The following IGSF22 variants were observed in gnomAD, a reference collection of about 807,000 sequenced individuals.
IGSF22 encodes the protein immunoglobulin superfamily, member 22.
A neutral mutation model predicts 127.0 loss-of-function variants in IGSF22; 119 were observed. The observed-to-expected ratio is 0.94, with a 90% confidence interval of 0.81 to 1.09. IGSF22 has a LOEUF of 1.09. Ranked by LOEUF, IGSF22 falls within the 50% of genes least tolerant of loss-of-function variation. The pLI, the probability that IGSF22 is intolerant of heterozygous loss-of-function variation, is 0.00. For missense variants in IGSF22, 1,518 were observed against 1,716.6 expected (o/e 0.88, Z 2.04); for synonymous variants, 568 against 664.7 (o/e 0.85, Z 2.24).
chr11:18,709,364 C>A lies in IGSF22; in HGVS notation c.2998+23G>T. 1 of 1,607,470 alleles carries A rather than the reference C, an allele frequency of 6.2e-7. No individual in the cohort carries two copies. Among genetic ancestry groups the A allele is most frequent in the Non-Finnish European group, 8.5e-7 (1 of 1,175,984 alleles). ...GGAGGTACAATGTTGGGCATGAATC[C>A]CCAGCCCTCTCTGTGTCCTCACCTG... On this transcript the variant is annotated intron_variant, in intron 18 of 22. Coordinates refer to ENST00000513874, the MANE Select transcript of IGSF22 (RefSeq NM_173588.4). This position sits in a 1 kb window ranked among gnomAD's most constrained non-coding sequence, Gnocchi z 4.8.
chr11:18,721,156 C>T (rs952205188), intron 4 of IGSF22, among the ~76,000 whole-genome samples: 2 of 152,218 alleles, frequency 1.3e-5, no homozygotes, highest in Admixed American at 6.5e-5. Flanking sequence ...GCGAGTCCCT[C>T]CGGCACCTCG....
chr11:18,717,361 CA>C (rs1195405471), intron 9 of IGSF22, among the ~76,000 whole-genome samples: 6 of 152,174 alleles, frequency 3.9e-5, no homozygotes, highest in African/African-American at 1.4e-4. Flanking sequence ...ACCTAAATCA[CA>C]AAGCTCATAA....
Position 18,709,467 on chromosome 11 carries a change from A to G in IGSF22, c.2918T>C (p.Phe973Ser), listed in dbSNP as rs1266391562. ...AGCCTCATTCACAGCCCGGATTCGGAAGAAGTATTTCTGCCTCTCGATGAG... is the reference window on the plus strand; with the variant it reads ...AGCCTCATTCACAGCCCGGATTCGGGAGAAGTATTTCTGCCTCTCGATGAG... ...GGLIERQKYF[F>S]RIRAVNEAGV... The change falls in exon 18 of 23, where the codon TTC becomes TCC. Residue 973 changes from phenylalanine to serine, a missense_variant. By Grantham distance (155) the Phe-to-Ser change is radical (BLOSUM62 -2). Coordinates refer to ENST00000513874, the MANE Select transcript of IGSF22 (RefSeq NM_173588.4). This position sits in a 1 kb window ranked among gnomAD's most constrained non-coding sequence, Gnocchi z 4.8. The G allele has an allele frequency of 6.2e-7, 1 of 1,614,090 alleles. No homozygotes were observed. Among genetic ancestry groups the G allele is most frequent in the Non-Finnish European group, 8.5e-7 (1 of 1,180,024 alleles).
chr11:18,709,402 C>T lies in IGSF22; in HGVS notation c.2983G>A (p.Ala995Thr). 6.2e-7 allele frequency: 1 copy of T among 1,613,752 alleles called. No individual in the cohort carries two copies. The highest frequency in any genetic ancestry group is 1.3e-5 in the African/African-American group (1 of 75,028). Residue 995 changes from alanine (A) to threonine (T), a missense_variant, in exon 18 of 23, where the codon GCC becomes ACC. Ala to Thr is a moderately conservative substitution (Grantham distance 58). Around this residue, in one of 3 missense-constraint regions of IGSF22, gnomAD observed 1,456 missense variants for 1,644.9 expected, o/e 0.89. Coordinates refer to ENST00000513874, the MANE Select transcript of IGSF22 (RefSeq NM_173588.4). This position sits in a 1 kb window ranked among gnomAD's most constrained non-coding sequence, Gnocchi z 4.8. ...EPVELDKGVRAMPPPAAPKFD... is the reference protein window; with the variant it reads ...EPVELDKGVRTMPPPAAPKFD... ...GTGTCCTCACCTGGTGGTGGCATGG[C>T]ACGGACCCCCTTGTCTAGCTCCACA...
rs1485863729 is a variant in IGSF22, at chr11:18,714,324, G to A, written c.1751C>T (p.Thr584Ile). ...SMGPEHEGKYTFRAKGTESEA... is the reference protein window; with the variant it reads ...SMGPEHEGKYIFRAKGTESEA... Reference sequence around the variant, plus strand: ...ACTTTCCGTGCCCTTGGCCCGGAATGTGTACTTGCCCTCGTGCTCAGGGCC... The same window carrying A: ...ACTTTCCGTGCCCTTGGCCCGGAATATGTACTTGCCCTCGTGCTCAGGGCC... Residue 584 changes from threonine to isoleucine, a missense_variant, in exon 13 of 23, where the codon ACA becomes ATA. Physicochemically the swap from Thr to Ile is moderately conservative, Grantham distance 89. Coordinates refer to ENST00000513874, the MANE Select transcript of IGSF22 (RefSeq NM_173588.4). 11 of 1,614,114 alleles carry A rather than the reference G, an allele frequency of 6.8e-6. No individual in the cohort carries two copies. The highest frequency in any genetic ancestry group is 2.7e-5 in the African/African-American group (2 of 74,940).
chr11:18,718,835 T>C, intron 7 of IGSF22, 107 bp from the exon 8 acceptor site: 1 of 696,810 alleles, frequency 1.4e-6, no homozygotes, highest in South Asian at 1.7e-5. Context: ...GAGAAATGAC[T>C]AGGCTCATTA....
intron 14 of IGSF22, among the ~76,000 whole-genome samples, chr11:18,713,180 T>C (rs1294536451): frequency 6.9e-6 from 1 of 145,272 alleles, no homozygotes; most frequent in East Asian, 2.0e-4. Flanking sequence ...GGTGACAGAG[T>C]CTTGCTCTGT....
At chr11:18,708,344 G>A (rs767997159) in intron 18 of IGSF22, 49 bp from the exon 19 acceptor site, 1 of 1,439,698 alleles carries the variant, frequency 6.9e-7, no homozygotes, top group Non-Finnish European at 9.3e-7. Flanking sequence ...CTTTCAAGAA[G>A]ACTCTGCTTT....
Position 18,710,442 on chromosome 11 carries a change from A to C in IGSF22, c.2586T>G (p.Thr862=), listed in dbSNP as rs1289290519. 1 of 1,614,066 alleles carries C rather than the reference A, an allele frequency of 6.2e-7. No homozygotes were observed. The highest frequency in any genetic ancestry group is 1.7e-5 in the Admixed American group (1 of 60,014). The stretch of plus-strand genomic sequence containing the variant: ...CTGTGTCCTCCAGGAGACCATCCAC[A>C]GTGCACTTGGTGCCTGAAATGGGAA... ...NKDPIQGTKC[T]VDGLLEDTEY... The change falls in exon 17 of 23, where the codon ACT becomes ACG. Residue 862 remains threonine (T), a synonymous_variant. Coordinates refer to ENST00000513874, the MANE Select transcript of IGSF22 (RefSeq NM_173588.4).
At chr11:18,710,545 G>A in intron 16 of IGSF22, 90 bp from the exon 17 acceptor site, 1 of 1,589,320 alleles carries the variant, frequency 6.3e-7, no homozygotes, top group African/African-American at 1.3e-5. Flanking sequence ...GTCATGGGAT[G>A]TTGTTAAAAC....
At chr11:18,718,381 T>C (rs940706705) in intron 8 of IGSF22, among the ~76,000 whole-genome samples, 4 of 152,188 alleles carry the variant, frequency 2.6e-5, no homozygotes, top group Admixed American at 6.5e-5. Context: ...TAATCTAGCC[T>C]TTCAATTTAA....
At chr11:18,705,678 G>A in intron 22 of IGSF22, 139 bp downstream of exon 22, 1 of 704,830 alleles carries the variant, frequency 1.4e-6, no homozygotes, top group Non-Finnish European at 2.3e-6. Context: ...TAAGAACTGT[G>A]GCCAATTAAG....
Position 18,724,172 on chromosome 11 carries a change from G to A in IGSF22, c.65C>T (p.Thr22Ile), listed in dbSNP as rs1564878082. 3 of 1,614,048 alleles carry A rather than the reference G, an allele frequency of 1.9e-6. No individual in the cohort carries two copies. The highest frequency in any genetic ancestry group is 4.5e-5 in the East Asian group (2 of 44,884). ...EHVSMEFSSSTTHVQTFSQTT... is the reference protein window; with the variant it reads ...EHVSMEFSSSITHVQTFSQTT... The stretch of plus-strand genomic sequence containing the variant: ...CTGGGAGAAGGTCTGCACGTGGGTG[G>A]TGGAGCTGGAGAACTCCATGGACAC... The change falls in exon 2 of 23, where the codon ACC becomes ATC. Residue 22 changes from threonine to isoleucine, a missense_variant. Thr to Ile is a moderately conservative substitution (Grantham distance 89). Transcript: ENST00000513874.
At position 18,718,215 on chromosome 11, in the gene IGSF22, T is replaced by C. The variant is rs1463111460; in HGVS notation, c.811-122A>G. ...ATGTCCAACCCTCTAAAGACAGAGA[T>C]CCCTATGATCTCTATAGCCTCATCA... On this transcript the variant is annotated intron_variant, in intron 8 of 22. Transcript: ENST00000513874. The C allele has an allele frequency of 3.5e-6, 3 of 856,118 alleles. No individual in the cohort carries two copies. In the East Asian group the frequency reaches 7.8e-5, roughly 22 times the overall value. 53.0% of individuals were successfully genotyped at this position (856,118 alleles called of 1,614,324 possible).
At position 18,719,888 on chromosome 11, in the gene IGSF22, G is replaced by A. The variant is rs1192989117; in HGVS notation, c.524C>T (p.Pro175Leu). ...DFKKMLKKRA[P>L]PAPKKKQKKV... Reference sequence around the variant, plus strand: ...CTTCTGCTTCTTCTTGGGAGCAGGGGGTGCCCTAGGAGAAGGAGGAAGGGA... The same window carrying A: ...CTTCTGCTTCTTCTTGGGAGCAGGGAGTGCCCTAGGAGAAGGAGGAAGGGA... The change falls in exon 7 of 23, where the codon CCC becomes CTC. Residue 175 changes from proline (P) to leucine (L), a missense_variant. Physicochemically the swap from Pro to Leu is moderately conservative, Grantham distance 98. This residue lies in a region of IGSF22 where 1,456 missense variants were observed against 1,644.9 expected (regional missense o/e 0.89). Transcript: ENST00000513874. 8 of 1,613,960 alleles carry A rather than the reference G, an allele frequency of 5.0e-6. No homozygotes were observed. The highest frequency in any genetic ancestry group is 3.3e-5 in the Admixed American group (2 of 59,998).
intron 8 of IGSF22, 90 bp downstream of exon 8, chr11:18,718,525 G>C (rs1234837746): frequency 7.3e-6 from 6 of 827,496 alleles, no homozygotes; most frequent in African/African-American, 1.7e-5. Flanking sequence ...TTGATGGGAT[G>C]GAAGAGAGGC....
chr11:18,715,957 C>G (rs923116615), intron 10 of IGSF22, among the ~76,000 whole-genome samples: 1 of 152,180 alleles, frequency 6.6e-6, no homozygotes, highest in Non-Finnish European at 1.5e-5. Flanking sequence ...TCAGTTTCCT[C>G]GTATGTAAAA....
chr11:18,721,311 G>GCTCTT (rs1848567092), intron 4 of IGSF22, among the ~76,000 whole-genome samples: 1 of 152,200 alleles, frequency 6.6e-6, no homozygotes, highest in Admixed American at 6.5e-5. Context: ...GCTCTGCTCT[G>GCTCTT]CCCCGGGGGT....
rs761653789 is a variant in IGSF22, at chr11:18,718,000, T to G, written c.904A>C (p.Met302Leu). The G allele has an allele frequency of 6.2e-7, 1 of 1,614,240 alleles. No homozygotes were observed. ...AGGCTGTAGATGCCAGCATCGTTCA[T>G]GTTCACGTTGCTAATAACCAGCATG... ...KYMLVISNVN[M>L]NDAGIYSLSV... Residue 302 changes from methionine to leucine, a missense_variant, in exon 9 of 23, where the codon ATG (methionine) becomes CTG (leucine). Transcript: ENST00000513874.
Sources: gnomAD v4.1 joint callset for allele counts (sites outside exome capture counted in the v4.1 genomes callset) on GRCh38, gnomAD v4.1.1 for gene constraint, gnomAD v4.1.1 regional missense constraint, Gnocchi (gnomAD v3.1) non-coding constraint, MANE v1.5 for transcripts, NCBI Gene and HGNC (gene_info 2026-07-23, HGNC 2026-07-21) for gene names.